Variants in FKBP15 observed in about 807,000 individuals in gnomAD.
FKBP15 encodes FK506-binding protein 15.
Under a neutral mutation model 158.1 loss-of-function variants are expected in FKBP15, and 106 were observed. The observed-to-expected ratio is 0.67, with a 90% confidence interval of 0.57 to 0.79. The LOEUF is 0.79. Ranked by LOEUF, FKBP15 falls within the 30% of genes least tolerant of loss-of-function variation. The pLI, the probability that FKBP15 is intolerant of heterozygous loss-of-function variation, is 0.00. For synonymous variants in FKBP15, 547 were observed against 548.6 expected (o/e 1.00, Z 0.04); for missense variants, 1,287 against 1,479.1 (o/e 0.87, Z 2.13).
chr9:113,188,410 A>T lies in FKBP15; in HGVS notation c.1255T>A (p.Leu419Ile). The T allele has an allele frequency of 6.2e-7, 1 of 1,613,934 alleles. No homozygotes were observed. The highest frequency in any genetic ancestry group is 8.5e-7 in the Non-Finnish European group (1 of 1,179,850). Residue 419 changes from leucine (L) to isoleucine (I), a missense_variant, in exon 13 of 28, where the codon TTA (leucine) becomes ATA (isoleucine). Leu to Ile is a conservative substitution (Grantham distance 5). Coordinates refer to ENST00000238256, the MANE Select transcript of FKBP15 (RefSeq NM_015258.2). Reference sequence around the variant, plus strand: ...TTACCCTGTGAGGTCATCTGTGGTAACGCTGGATGGGCCGGATGAAGAGAG... The same window carrying T: ...TTACCCTGTGAGGTCATCTGTGGTATCGCTGGATGGGCCGGATGAAGAGAG... ...QPSLHPAHPA[L>I]PQMTSQAPQP...
intron 7 of FKBP15, 140 bp downstream of exon 7, chr9:113,199,674 G>A: frequency 1.2e-6 from 1 of 823,430 alleles, no homozygotes; most frequent in Non-Finnish European, 1.9e-6. Context: ...TGCCCCCAAA[G>A]CAATTGCAGT....
chr9:113,169,886 A>T lies in FKBP15; in HGVS notation c.2823T>A (p.Ser941Arg). 6.6e-7 allele frequency: 1 copy of T among 1,504,672 alleles called. No homozygotes were observed. 93.2% of individuals were successfully genotyped at this position (1,504,672 alleles called of 1,614,324 possible). A position where few individuals can be genotyped will look rare whatever the true frequency, so the allele number is the denominator to read the frequency against. The change falls in exon 26 of 28, where the codon AGT (serine) becomes AGA (arginine). Residue 941 changes from serine to arginine, a missense_variant. Physicochemically the swap from Ser to Arg is moderately radical, Grantham distance 110 (BLOSUM62 -1). Transcript: ENST00000238256. ...CTTCTGCTTTTTCTTCTTCTTCTTC[A>T]CTGCTGCTCTCTTCCTTCTCTTGCT... The part of the protein sequence containing the change: ...QQEQEKEESS[S>R]EEEEEKAEER...
Position 113,199,854 on chromosome 9 carries a change from G to C in FKBP15, c.608C>G (p.Ala203Gly), listed in dbSNP as rs1484964000. 2.5e-6 allele frequency: 4 copies of C among 1,613,038 alleles called. No homozygotes were observed. The highest frequency in any genetic ancestry group is 3.4e-6 in the Non-Finnish European group (4 of 1,179,544). Residue 203 changes from alanine to glycine, a missense_variant, in exon 7 of 28, where the codon GCC (alanine) becomes GGC (glycine). Transcript: ENST00000238256. ...ATTCTGAAAGAGCCAGCCGGTATAG[G>C]CCACTTCCAAAGAATCTCCAACTTC... is the stretch of plus-strand genomic sequence containing the variant. ...AVEVGDSLEV[A>G]YTGWLFQNHV...
chr9:113,179,939 T>C (rs1343051517), intron 19 of FKBP15, among the ~76,000 whole-genome samples: 1 of 152,176 alleles, frequency 6.6e-6, no homozygotes, highest in Non-Finnish European at 1.5e-5. Context: ...AAGTTCCAGA[T>C]ATAGGAGTGG....
At chr9:113,179,022 A>G (rs1346614546) in intron 19 of FKBP15, among the ~76,000 whole-genome samples, 2 of 151,886 alleles carry the variant, frequency 1.3e-5, no homozygotes, top group African/African-American at 4.8e-5. Context: ...TACCTATACC[A>G]GTATACTTAA....
chr9:113,179,554 C>T (rs751306207), intron 19 of FKBP15, among the ~76,000 whole-genome samples: 1 of 151,414 alleles, frequency 6.6e-6, no homozygotes, highest in South Asian at 2.1e-4. Context: ...CCCAGCTACT[C>T]GGAGGCTGAG....
chr9:113,214,895 T>C (rs10739388), intron 1 of FKBP15, among the ~76,000 whole-genome samples: 71,692 of 152,110 alleles, frequency 0.47, 17,226 homozygotes, highest in South Asian at 0.58. Context: ...GCTTCTTTCC[T>C]TCAACCTCAT....
Position 113,169,395 on chromosome 9 carries a change from C to T in FKBP15, c.3314G>A (p.Gly1105Glu), listed in dbSNP as rs771270962. 1.1e-5 allele frequency: 18 copies of T among 1,614,032 alleles called. No individual in the cohort carries two copies. The South Asian group carries it at 2.0e-4, about 18-fold the overall frequency. ...TTCAGGCCCTAAGGCCAGTGGGTCCCCCTCCTCGGGGTCTGAAGTCAGGGA... is the reference window on the plus strand; with the variant it reads ...TTCAGGCCCTAAGGCCAGTGGGTCCTCCTCCTCGGGGTCTGAAGTCAGGGA... ...RLSLTSDPEE[G>E]DPLALGPESP... Residue 1105 changes from glycine to glutamate, a missense_variant, in exon 26 of 28, where the codon GGG (glycine) becomes GAG (glutamate). Coordinates refer to ENST00000238256, the MANE Select transcript of FKBP15 (RefSeq NM_015258.2).
At position 113,161,813 on chromosome 9, in the gene FKBP15, G is replaced by T; in HGVS notation, c.*4265C>A. The T allele has an allele frequency of 8.3e-7, 1 of 1,207,968 alleles. No homozygotes were observed. Among genetic ancestry groups the T allele is most frequent in the Non-Finnish European group, 1.2e-6 (1 of 833,530 alleles). The allele number at this position is 1,207,968 out of a possible 1,614,324, so 74.8% of individuals were successfully genotyped here. On this transcript the variant is annotated 3_prime_UTR_variant, in exon 28 of 28. Coordinates refer to ENST00000238256, the MANE Select transcript of FKBP15 (RefSeq NM_015258.2). ...GAGAGGACAGCGAGGCCCAGGGAAG[G>T]ACCAGGACTTGCCAAAGTGGCTACA...
At chr9:113,182,676 G>A (rs1830419196) in intron 19 of FKBP15, 90 bp downstream of exon 19, 1 of 991,858 alleles carries the variant, frequency 1.0e-6, no homozygotes, top group East Asian at 2.4e-5. Context: ...CAAAAATTCT[G>A]TTGGAAAGCC....
chr9:113,170,737 ACTGGGATACTG>A, intron 24 of FKBP15, 108 bp from the exon 25 acceptor site: 1 of 770,468 alleles, frequency 1.3e-6, no homozygotes, highest in Non-Finnish European at 2.3e-6. Context: ...AGATCTCTAC[ACTGGGATACTG>A]CTGGTCATAA....
intron 4 of FKBP15, among the ~76,000 whole-genome samples, chr9:113,203,548 G>C (rs7865650): frequency 0.25 from 34,098 of 138,110 alleles, 4,637 homozygotes; most frequent in African/African-American, 0.38. Flanking sequence ...TTTTCTTTTT[G>C]AGACAGAGTC....
chr9:113,162,201 C>T lies in FKBP15; in HGVS notation c.*3877G>A, dbSNP rs1403935871. 2.9e-5 allele frequency: 8 copies of T among 280,348 alleles called. No individual in the cohort carries two copies. Among genetic ancestry groups the T allele is most frequent in the East Asian group, 1.3e-4 (1 of 7,658 alleles). 17.4% of individuals were successfully genotyped at this position (280,348 alleles called of 1,614,324 possible). On this transcript the variant is annotated 3_prime_UTR_variant, in exon 28 of 28. Coordinates refer to ENST00000238256, the MANE Select transcript of FKBP15 (RefSeq NM_015258.2). ...CTCACCTGTGCTTAATAAGCCTGCC[C>T]GCTCCATCACTAGCCACCCTACATG...
intron 21 of FKBP15, among the ~76,000 whole-genome samples, chr9:113,176,037 T>A (rs755758272): frequency 1.3e-5 from 2 of 152,098 alleles, no homozygotes; most frequent in Non-Finnish European, 2.9e-5. Flanking sequence ...CTCAAACAAA[T>A]TTGCAAAAAC....
chr9:113,194,490 A>G (rs1281286069), intron 9 of FKBP15, among the ~76,000 whole-genome samples: 1 of 151,930 alleles, frequency 6.6e-6, no homozygotes, highest in Non-Finnish European at 1.5e-5. Context: ...ATAGGTTACA[A>G]ATACCCTTCC....
intron 4 of FKBP15, chr9:113,206,297 T>TTA: frequency 1.8e-6 from 1 of 565,906 alleles, no homozygotes; most frequent in South Asian, 2.3e-5. Flanking sequence ...AAGGTCAAAT[T>TTA]TAACAATTTT....
Position 113,176,595 on chromosome 9 carries a change from AC to A in FKBP15, c.2164del (p.Val722Ter). On this transcript the variant is annotated frameshift_variant, in exon 21 of 28. Transcript: ENST00000238256. LOFTEE classifies it high-confidence loss of function. ...AGTCAGTTCCTCCTCCAGGGATGTC[AC>A]CTTGAGTTCCAGTTGTTTCCGGTTC... Reference protein sequence around the residue: ...KQNRKQLELKVTSLEEELTDL... With the variant: ...KQNRKQLELKXTSLEEELTDL... 1 of 1,584,124 alleles carries A rather than the reference AC, an allele frequency of 6.3e-7. No individual in the cohort carries two copies. Among genetic ancestry groups the A allele is most frequent in the Non-Finnish European group, 8.6e-7 (1 of 1,162,530 alleles).
Position 113,169,567 on chromosome 9 carries a change from G to A in FKBP15, c.3142C>T (p.Pro1048Ser), listed in dbSNP as rs778359853. 1.2e-6 allele frequency: 2 copies of A among 1,614,062 alleles called. No homozygotes were observed. Among genetic ancestry groups the A allele is most frequent in the Non-Finnish European group, 1.7e-6 (2 of 1,179,892 alleles). Residue 1048 changes from proline to serine, a missense_variant, in exon 26 of 28, where the codon CCC becomes TCC. Pro to Ser is a moderately conservative substitution (Grantham distance 74, BLOSUM62 -1). Transcript: ENST00000238256. ...LGPPTSIPPEPLGPVSMDSEC... is the reference protein window; with the variant it reads ...LGPPTSIPPESLGPVSMDSEC... ...GAGTCCATGGATACAGGGCCTAGGGGCTCAGGTGGAATTGAAGTCGGGGGC... is the reference window on the plus strand; with the variant it reads ...GAGTCCATGGATACAGGGCCTAGGGACTCAGGTGGAATTGAAGTCGGGGGC...
intron 21 of FKBP15, 145 bp downstream of exon 21, chr9:113,176,392 G>T: frequency 1.2e-6 from 1 of 858,070 alleles, no homozygotes. Context: ...TATGAGATTA[G>T]AGCGGGGAAA....
Sources: gnomAD v4.1 joint callset for allele counts (sites outside exome capture counted in the v4.1 genomes callset) on GRCh38, gnomAD v4.1.1 for gene constraint, MANE v1.5 for transcripts, NCBI Gene and HGNC (gene_info 2026-07-23, HGNC 2026-07-21) for gene names.